ELMO1: variants seen among roughly 807,000 people sequenced by gnomAD.
ELMO1 encodes engulfment and cell motility protein 1.
In ELMO1, 26 loss-of-function variants were observed where a neutral mutation model predicts 98.9. The ratio of observed to expected loss-of-function variants is 0.26; its 90% CI spans 0.19 to 0.36. The LOEUF is 0.36. Among genes scored for constraint, ELMO1 ranks in the 10% least tolerant of loss-of-function variants. The pLI is 1.00. For synonymous variants in ELMO1, 346 were observed against 346.0 expected (o/e 1.00, Z 0.00); for missense variants, 627 against 935.2 (o/e 0.67, Z 4.30).
At chr7:37,151,119 G>C (rs1232971849) in intron 13 of ELMO1, among the ~76,000 whole-genome samples, 1 of 152,186 alleles carries the variant, frequency 6.6e-6, no homozygotes, top group Admixed American at 6.5e-5. Flanking sequence ...ACTAGGGTGT[G>C]GATAGAAGAG....
rs1793092962 is a variant in ELMO1, at chr7:37,213,424, CATT to C, written c.862_864del (p.Asn288del). On this transcript the variant is annotated inframe_deletion, in exon 12 of 22. Coordinates refer to ENST00000310758, the MANE Select transcript of ELMO1 (RefSeq NM_014800.11). ...AGAACATACAGCTGGTGCGCCATCT[CATT>C]GTTGATGGCCCGCTGGGCTCGGATG... The C allele has an allele frequency of 1.2e-6, 2 of 1,612,220 alleles. No individual in the cohort carries two copies. Among genetic ancestry groups the C allele is most frequent in the South Asian group, 1.1e-5 (1 of 91,000 alleles).
At chr7:36,900,937 T>C (rs1806458998) in intron 16 of ELMO1, among the ~76,000 whole-genome samples, 1 of 152,146 alleles carries the variant, frequency 6.6e-6, no homozygotes, top group Admixed American at 6.5e-5. Flanking sequence ...CAGAGGGGTC[T>C]GGGGGAAGAA....
Position 37,184,638 on chromosome 7 carries a change from T to C in ELMO1, c.1086+26748A>G, listed in dbSNP as rs147702819. On this transcript the variant is annotated intron_variant, in intron 13 of 21. Transcript: ENST00000310758. ...GTTTATGAAGTCCGTCATGGCATGA[T>C]GGCTCACACCTATAATCCTAGCACT... Among the ~76,000 whole-genome samples the C allele has an allele frequency of 1.0e-3, 152 of 152,344 alleles. 1 individual carries two copies. Among genetic ancestry groups the C allele is most frequent in the African/African-American group, 3.3e-3 (137 of 41,574 alleles).
chr7:37,183,169 G>A (rs976199449), intron 13 of ELMO1, among the ~76,000 whole-genome samples: 1 of 151,756 alleles, frequency 6.6e-6, no homozygotes. Context: ...AAGAGAAGCT[G>A]CTGAAGAGGA....
chr7:37,164,578 C>T (rs1425791930), intron 13 of ELMO1, among the ~76,000 whole-genome samples: 1 of 152,178 alleles, frequency 6.6e-6, no homozygotes, highest in African/African-American at 2.4e-5. Context: ...TTCCCAGCAC[C>T]ATTTGTTAAA....
chr7:37,069,446 A>G (rs1309392487), intron 15 of ELMO1, among the ~76,000 whole-genome samples: 2 of 152,190 alleles, frequency 1.3e-5, no homozygotes, highest in Non-Finnish European at 2.9e-5. Flanking sequence ...GAGGCAGGGG[A>G]AAAATCCAGA....
intron 15 of ELMO1, among the ~76,000 whole-genome samples, chr7:37,029,861 G>T (rs1794778049): frequency 6.6e-6 from 1 of 152,086 alleles, no homozygotes; most frequent in South Asian, 2.1e-4. Flanking sequence ...AAATTAATGG[G>T]TGAAGATCTT....
At chr7:36,915,821 T>C (rs1301791297) in intron 16 of ELMO1, among the ~76,000 whole-genome samples, 2 of 152,022 alleles carry the variant, frequency 1.3e-5, no homozygotes, top group South Asian at 2.1e-4. Flanking sequence ...GAGGTGAGCA[T>C]TGGAAAAGAT....
intron 16 of ELMO1, among the ~76,000 whole-genome samples, chr7:36,917,653 T>C (rs1784806616): frequency 6.6e-6 from 1 of 152,140 alleles, no homozygotes; most frequent in South Asian, 2.1e-4. Flanking sequence ...TGTAAGGAGA[T>C]GGGAACTCTG....
intron 16 of ELMO1, among the ~76,000 whole-genome samples, chr7:36,977,387 GGAGTC>G (rs914564013): frequency 1.1e-4 from 16 of 152,318 alleles, no homozygotes; most frequent in African/African-American, 3.4e-4. Flanking sequence ...CAAGTAATGG[GGAGTC>G]AGAGTTGTAG....
chr7:36,885,440 A>G (rs959196105), intron 18 of ELMO1, among the ~76,000 whole-genome samples: 12 of 152,330 alleles, frequency 7.9e-5, no homozygotes, highest in African/African-American at 2.9e-4. Flanking sequence ...AAGTCTCATG[A>G]CGCAGTAGAC....
At chr7:37,147,717 GCA>G (rs1788075927) in intron 13 of ELMO1, among the ~76,000 whole-genome samples, 1 of 152,026 alleles carries the variant, frequency 6.6e-6, no homozygotes, top group African/African-American at 2.4e-5. Flanking sequence ...TGGACACGAT[GCA>G]CAGTCTGCAG....
At chr7:37,171,571 C>G (rs755172738) in intron 13 of ELMO1, among the ~76,000 whole-genome samples, 1 of 139,722 alleles carries the variant, frequency 7.2e-6, no homozygotes, top group Admixed American at 7.7e-5. Flanking sequence ...CGGCTCACTG[C>G]AAGCTGAGCC....
At chr7:37,221,188 GA>G (rs929068081) in intron 10 of ELMO1, among the ~76,000 whole-genome samples, 1 of 152,128 alleles carries the variant, frequency 6.6e-6, no homozygotes, top group Non-Finnish European at 1.5e-5. Flanking sequence ...AAACGTCCAG[GA>G]AACTATAAAG....
chr7:37,422,480 C>T (rs556807500), intron 1 of ELMO1, among the ~76,000 whole-genome samples: 1 of 152,176 alleles, frequency 6.6e-6, no homozygotes, highest in African/African-American at 2.4e-5. Flanking sequence ...AATAGAGAAG[C>T]TCGTGTGGTT....
At chr7:36,931,731 T>A (rs185428562) in intron 16 of ELMO1, among the ~76,000 whole-genome samples, 1 of 152,334 alleles carries the variant, frequency 6.6e-6, no homozygotes, top group Admixed American at 6.5e-5. Context: ...GTGGAGTGCA[T>A]GTCCTGAATA....
chr7:37,435,582 A>T lies in ELMO1; in HGVS notation c.-74+13093T>A, dbSNP rs79249669. On this transcript the variant is annotated intron_variant, in intron 1 of 21. Transcript: ENST00000310758. The stretch of plus-strand genomic sequence containing the variant: ...ATGTTGAGATAAAAACAAATCTGAG[A>T]ATTTTCACAACTTCTTGTATTTTCA... 1.6e-3 allele frequency among the ~76,000 whole-genome samples: 250 copies of T among 152,318 alleles called. 2 individuals are homozygous for T. The highest frequency in any genetic ancestry group is 5.7e-3 in the African/African-American group (235 of 41,568).
intron 13 of ELMO1, among the ~76,000 whole-genome samples, chr7:37,153,728 G>A (rs10239523): frequency 0.64 from 96,669 of 152,082 alleles, 32,316 homozygotes; most frequent in Non-Finnish European, 0.74. Flanking sequence ...GAGGCAGGGC[G>A]TATCTGAACA....
At chr7:37,071,354 CA>C (rs1202958170) in intron 15 of ELMO1, among the ~76,000 whole-genome samples, 1 of 152,148 alleles carries the variant, frequency 6.6e-6, no homozygotes, top group Admixed American at 6.5e-5. Context: ...CCTACACATT[CA>C]AACCTCATAT....
Sources: allele counts gnomAD v4.1 joint callset (sites outside exome capture counted in the v4.1 genomes callset), GRCh38; gene constraint gnomAD v4.1.1; transcripts MANE v1.5; gene names NCBI Gene and HGNC (gene_info 2026-07-23, HGNC 2026-07-21).